The following DIDO1 variants were observed in gnomAD, a reference collection of about 807,000 sequenced individuals.
DIDO1 encodes the protein death inducer-obliterator 1.
A neutral mutation model predicts 99.4 loss-of-function variants in DIDO1; 16 were observed. That is an observed-to-expected ratio of 0.16 (90% CI 0.11 to 0.24). DIDO1 has a LOEUF of 0.24. Among genes scored for constraint, DIDO1 ranks in the 10% least tolerant of loss-of-function variants. The pLI, the probability that DIDO1 is intolerant of heterozygous loss-of-function variation, is 1.00. For missense variants in DIDO1, 2,996 were observed against 3,014.0 expected (o/e 0.99, Z 0.14); for synonymous variants, 1,366 against 1,239.1 (o/e 1.10, Z -2.15).
rs1287137188 is a variant in DIDO1 at position 62,891,995 on chromosome 20, C to T, written c.3337G>A (p.Val1113Met). The change falls in exon 14 of 16, where the codon GTG becomes ATG. Residue 1113 changes from valine to methionine, a missense_variant. By Grantham distance (21) the Val-to-Met change is conservative (BLOSUM62 1). This residue lies in a region of DIDO1 where 135 missense variants were observed against 202.3 expected (regional missense o/e 0.67). Transcript: ENST00000395343. ...ATACTATAAGCAGGTACCTTAGACACAGAAGACTTGAGTTTGCCAACATAA... is the reference window on the plus strand; with the variant it reads ...ATACTATAAGCAGGTACCTTAGACATAGAAGACTTGAGTTTGCCAACATAA... ...WDYVGKLKSS[V>M]SKELCLIRFH... 4 of 1,611,668 alleles carry T rather than the reference C, an allele frequency of 2.5e-6. No individual in the cohort carries two copies. The South Asian group carries it at 4.4e-5, about 18-fold the overall frequency.
intron 15 of DIDO1, chr20:62,888,232 A>T (rs531060278): frequency 1.8e-5 from 18 of 985,540 alleles, no homozygotes; most frequent in Middle Eastern, 5.2e-4. Context: ...GGAGGCATGG[A>T]CACCTGCAAT....
rs940470386 is a variant in DIDO1, at chr20:62,881,598, C to T, written c.4358G>A (p.Arg1453Lys). Residue 1453 changes from arginine (R) to lysine (K), a missense_variant, in exon 16 of 16, where the codon AGA (arginine) becomes AAA (lysine). This residue lies in a region of DIDO1 where 1,562 missense variants were observed against 1,412.6 expected (regional missense o/e 1.11). Coordinates refer to ENST00000395343, the MANE Select transcript of DIDO1 (RefSeq NM_001193369.2). The surrounding 1 kb of genome is among the most constrained non-coding windows in gnomAD (Gnocchi z 8.3). ...GGCAGGCCTCTCCACGGAGTTCCTTCTCACGTCGGCACACATCCTGTTGGG... is the reference window on the plus strand; with the variant it reads ...GGCAGGCCTCTCCACGGAGTTCCTTTTCACGTCGGCACACATCCTGTTGGG... ...DLPNRMCADV[R>K]RNSVERPAEP... is the part of the protein sequence containing the mutation. The T allele has an allele frequency of 1.2e-6, 2 of 1,612,128 alleles. No homozygotes were observed. The highest frequency in any genetic ancestry group is 2.2e-5 in the East Asian group (1 of 44,882).
At chr20:62,925,185 G>A (rs891663941) in intron 1 of DIDO1, among the ~76,000 whole-genome samples, 2 of 152,242 alleles carry the variant, frequency 1.3e-5, no homozygotes, top group Non-Finnish European at 2.9e-5. Context: ...TGATTTAAAG[G>A]AAGGAGCTGG....
upstream of DIDO1, chr20:62,928,904 C>T (rs1024312075): frequency 6.6e-6 from 1 of 152,036 alleles, no homozygotes; most frequent in Admixed American, 6.6e-5. Context: ...TTCTGCAACC[C>T]CCATGCCACG....
At chr20:62,887,485 C>G (rs1043132561) in intron 15 of DIDO1, 16 of 985,476 alleles carry the variant, frequency 1.6e-5, no homozygotes, top group Non-Finnish European at 1.9e-5. Context: ...AGAGCCCTTT[C>G]CATTCGAGCA....
chr20:62,930,413 A>C (rs1415859935), upstream of DIDO1, among the ~76,000 whole-genome samples: 1 of 152,252 alleles, frequency 6.6e-6, no homozygotes, highest in Non-Finnish European at 1.5e-5. Context: ...GGGAACCGGC[A>C]AGATGGAAAA....
Position 62,881,946 on chromosome 20 carries a change from C to T in DIDO1, c.4010G>A (p.Gly1337Glu). The T allele has an allele frequency of 6.2e-7, 1 of 1,613,336 alleles. No homozygotes were observed. The highest frequency in any genetic ancestry group is 8.5e-7 in the Non-Finnish European group (1 of 1,180,030). The change falls in exon 16 of 16, where the codon GGG becomes GAG. Residue 1337 changes from glycine (G) to glutamate (E), a missense_variant. Physicochemically the swap from Gly to Glu is moderately conservative, Grantham distance 98. Around this residue, in one of 5 missense-constraint regions of DIDO1, gnomAD observed 1,562 missense variants for 1,412.6 expected, o/e 1.11. Coordinates refer to ENST00000395343, the MANE Select transcript of DIDO1 (RefSeq NM_001193369.2). This position sits in a 1 kb window ranked among gnomAD's most constrained non-coding sequence, Gnocchi z 8.3. ...SFDPSAREPPGSTAGLPQEPK... is the reference protein window; with the variant it reads ...SFDPSAREPPESTAGLPQEPK... ...CTCCTGGGGGAGACCTGCGGTGGAC[C>T]CGGGAGGCTCTCTGGCGGACGGGTC...
chr20:62,917,131 G>C (rs750319044), intron 1 of DIDO1, among the ~76,000 whole-genome samples: 62 of 152,152 alleles, frequency 4.1e-4, no homozygotes, highest in Non-Finnish European at 6.3e-4. Flanking sequence ...GGCTCAAAGC[G>C]GTCTTCCCAC....
At chr20:62,930,223 A>C (rs543965134), upstream of DIDO1, among the ~76,000 whole-genome samples, 667 of 152,182 alleles carry the variant, frequency 4.4e-3, 5 homozygotes, top group African/African-American at 8.9e-3. Context: ...ACAAACAAAA[A>C]AAAAAAAAAC....
chr20:62,898,553 T>C (rs1442147041), intron 6 of DIDO1, among the ~76,000 whole-genome samples: 1 of 152,250 alleles, frequency 6.6e-6, no homozygotes, highest in Non-Finnish European at 1.5e-5. Context: ...ATCATTTTAA[T>C]GGTAACTAAG....
In DIDO1 at chr20:62,880,980, A is replaced by C; in HGVS notation, c.4976T>G (p.Leu1659Arg). Residue 1659 changes from leucine (L) to arginine (R), a missense_variant, in exon 16 of 16, where the codon CTG becomes CGG. By Grantham distance (102) the Leu-to-Arg change is moderately radical (BLOSUM62 -2). Around this residue, in one of 5 missense-constraint regions of DIDO1, gnomAD observed 1,562 missense variants for 1,412.6 expected, o/e 1.11. Transcript: ENST00000395343. Reference protein sequence around the residue: ...DSSARPARRVLLPTPPCGALQ... With the variant: ...DSSARPARRVRLPTPPCGALQ... The stretch of plus-strand genomic sequence containing the variant: ...GGCGCCGCAAGGCGGTGTGGGCAGC[A>C]GCACCCTCCGGGCAGGCCTGGCCGA... 6.2e-7 allele frequency: 1 copy of C among 1,606,200 alleles called. No homozygotes were observed. The highest frequency in any genetic ancestry group is 8.5e-7 in the Non-Finnish European group (1 of 1,179,234).
rs1046581367 is a variant in DIDO1 at position 62,911,071 on chromosome 20, A to G, written c.542T>C (p.Leu181Pro). ...CCGCAGGCGACTCTGGATCCCTTTC[A>G]GGGGCCTCTCAGTGGGCTCCTGTTC... ...KREQEPTERP[L>P]KGIQSRLRKK... The change falls in exon 3 of 16, where the codon CTG becomes CCG. Residue 181 changes from leucine to proline, a missense_variant. Leu to Pro is a moderately conservative substitution (Grantham distance 98). Coordinates refer to ENST00000395343, the MANE Select transcript of DIDO1 (RefSeq NM_001193369.2). This position sits in a 1 kb window ranked among gnomAD's most constrained non-coding sequence, Gnocchi z 7.0. The G allele has an allele frequency of 1.2e-6, 2 of 1,613,544 alleles. No homozygotes were observed. The highest frequency in any genetic ancestry group is 1.1e-5 in the South Asian group (1 of 91,084).
At chr20:62,932,673 C>A (rs141180380) in intron 1 of DIDO1, among the ~76,000 whole-genome samples, 1 of 152,128 alleles carries the variant, frequency 6.6e-6, no homozygotes, top group Admixed American at 6.5e-5. Context: ...ATGCTAGATA[C>A]GGTTTGTCTC....
Position 62,879,885 on chromosome 20 carries a change from C to T in DIDO1, c.6071G>A (p.Arg2024Lys). The T allele has an allele frequency of 1.3e-6, 2 of 1,588,438 alleles. No homozygotes were observed. Among genetic ancestry groups the T allele is most frequent in the Admixed American group, 1.8e-5 (1 of 55,324 alleles). Residue 2024 changes from arginine (R) to lysine (K), a missense_variant, in exon 16 of 16, where the codon AGG becomes AAG. By Grantham distance (26) the Arg-to-Lys change is conservative. Around this residue, in one of 5 missense-constraint regions of DIDO1, gnomAD observed 1,562 missense variants for 1,412.6 expected, o/e 1.11. Transcript: ENST00000395343. The surrounding 1 kb of genome is among the most constrained non-coding windows in gnomAD (Gnocchi z 6.3). ...QAPQVMKPGP[R>K]PLLELPSHPP... ...GTGGCTGGGAAGCTCCAGCAGGGGC[C>T]TGGGGCCCGGCTTCATCACCTGCGG...
chr20:62,904,953 G>C lies in DIDO1; in HGVS notation c.1588+934C>G, dbSNP rs73918864. 4,344 of 972,838 alleles carry C rather than the reference G, an allele frequency of 4.5e-3. 144 individuals are homozygous for C. The African/African-American group carries it at 0.068, about 15-fold the overall frequency. 60.3% of individuals were successfully genotyped at this position (972,838 alleles called of 1,614,324 possible). ...TTGAATTGAGACTATTTAACCTTTC[G>C]GTGCTTTTTAAAAAAAGCACAAAAT... On this transcript the variant is annotated intron_variant, in intron 6 of 15. Coordinates refer to ENST00000395343, the MANE Select transcript of DIDO1 (RefSeq NM_001193369.2).
intron 15 of DIDO1, among the ~76,000 whole-genome samples, chr20:62,884,779 TGA>T (rs2147362365): frequency 6.6e-6 from 1 of 152,188 alleles, no homozygotes; most frequent in South Asian, 2.1e-4. Flanking sequence ...TGGACAGAGC[TGA>T]GATTCCCAGC....
intron 15 of DIDO1, among the ~76,000 whole-genome samples, chr20:62,886,072 C>T (rs2064292947): frequency 6.6e-6 from 1 of 152,248 alleles, no homozygotes; most frequent in Non-Finnish European, 1.5e-5. Flanking sequence ...ACGAAGCTGG[C>T]ACCAGCCAGG....
chr20:62,887,452 A>C, intron 15 of DIDO1: 5 of 985,498 alleles, frequency 5.1e-6, no homozygotes, highest in Non-Finnish European at 6.0e-6. Context: ...AGAGCTTTCT[A>C]ATGTATAAAG....
intron 2 of DIDO1, among the ~76,000 whole-genome samples, chr20:62,912,015 CG>C (rs1363245346): frequency 2.0e-5 from 3 of 152,202 alleles, no homozygotes; most frequent in African/African-American, 7.2e-5. Context: ...CCAGCACCTC[CG>C]CAGGCAGATG....
Sources: gnomAD v4.1 joint callset for allele counts (sites outside exome capture counted in the v4.1 genomes callset) on GRCh38, gnomAD v4.1.1 for gene constraint, gnomAD v4.1.1 regional missense constraint, Gnocchi (gnomAD v3.1) non-coding constraint, MANE v1.5 for transcripts, NCBI Gene and HGNC (gene_info 2026-07-23, HGNC 2026-07-21) for gene names.